The following CEP192 variants were observed in gnomAD, a reference collection of about 807,000 sequenced individuals.
CEP192 encodes centrosomal protein 192.
In CEP192, 151 loss-of-function variants were observed where a neutral mutation model predicts 271.8. The observed-to-expected ratio is 0.56, with a 90% CI of 0.49 to 0.64. CEP192 has a LOEUF of 0.64. CEP192 is among the 30% of genes least tolerant of loss of function. The pLI is 0.00. For synonymous variants in CEP192, 995 were observed against 1,076.5 expected, an observed-to-expected ratio of 0.92 and a Z score of 1.48; for missense variants, 2,910 against 3,020.5, an observed-to-expected ratio of 0.96 and a Z score of 0.86.
chr18:13,090,798 G>A (rs1325676974), intron 33 of CEP192, among the ~76,000 whole-genome samples: 3 of 152,132 alleles, frequency 2.0e-5, no homozygotes, highest in African/African-American at 4.8e-5. Context: ...ATCCAAATAC[G>A]AGATAAGCTG....
At chr18:13,054,958 T>C (rs1394466923) in intron 18 of CEP192, among the ~76,000 whole-genome samples, 2 of 152,046 alleles carry the variant, frequency 1.3e-5, no homozygotes, top group Non-Finnish European at 2.9e-5. Context: ...AGTTTAGAAA[T>C]GGGAGAGGGC....
chr18:13,025,981 G>T (rs1396664361), intron 9 of CEP192, among the ~76,000 whole-genome samples: 2 of 152,142 alleles, frequency 1.3e-5, no homozygotes, highest in Non-Finnish European at 2.9e-5. Flanking sequence ...GTAGATTTAA[G>T]ATTCTGACCT....
intron 6 of CEP192, 31 bp from the exon 7 acceptor site, chr18:13,017,157 A>G (rs965037642): frequency 3.0e-5 from 46 of 1,515,070 alleles, no homozygotes; most frequent in Non-Finnish European, 4.1e-5. Context: ...ACTTTAAAGC[A>G]TGTCCTGTTT....
chr18:13,026,961 C>G (rs2035336928), intron 9 of CEP192, among the ~76,000 whole-genome samples: 1 of 152,032 alleles, frequency 6.6e-6, no homozygotes. Flanking sequence ...TTCTTGTTAG[C>G]TGGACGTGAT....
chr18:13,044,946 G>A (rs1020660530), intron 15 of CEP192, among the ~76,000 whole-genome samples: 2 of 152,048 alleles, frequency 1.3e-5, no homozygotes, highest in African/African-American at 4.8e-5. Context: ...TTTAATAGTT[G>A]TAGTACTATT....
At chr18:13,072,917 T>C in intron 29 of CEP192, 72 bp downstream of exon 29, 6 of 1,536,016 alleles carry the variant, frequency 3.9e-6, no homozygotes, top group East Asian at 2.3e-5. Context: ...CAGACCTTTT[T>C]GTGTTATTTA....
chr18:13,009,285 A>G (rs2034187590), intron 4 of CEP192, among the ~76,000 whole-genome samples: 1 of 152,166 alleles, frequency 6.6e-6, no homozygotes, highest in South Asian at 2.1e-4. Context: ...GACTCATTTA[A>G]GCTGAAATTC....
Position 13,018,491 on chromosome 18 carries a change from C to A in CEP192, c.801C>A (p.Asn267Lys). The A allele has an allele frequency of 1.3e-6, 2 of 1,525,148 alleles. No homozygotes were observed. The highest frequency in any genetic ancestry group is 1.2e-5 in the South Asian group (1 of 80,172). 94.5% of individuals were successfully genotyped at this position (1,525,148 alleles called of 1,614,324 possible). A position where few individuals can be genotyped will look rare whatever the true frequency, so the allele number is the denominator to read the frequency against. ...TATTCTTTCAACAGGCAAATGAAAA[C>A]GGTAGCTTAAACTGCAAGTTTCAAT... is the stretch of plus-strand genomic sequence containing the variant. ...PTNGLRQANE[N>K]GSLNCKFQSE... The change falls in exon 8 of 45, where the codon AAC becomes AAA. Residue 267 changes from asparagine to lysine, a missense_variant. Physicochemically the swap from Asn to Lys is moderately conservative, Grantham distance 94. Coordinates refer to ENST00000506447, the MANE Select transcript of CEP192 (RefSeq NM_032142.4).
At chr18:13,043,645 C>G (rs1402340628) in intron 15 of CEP192, among the ~76,000 whole-genome samples, 1 of 152,186 alleles carries the variant, frequency 6.6e-6, no homozygotes, top group Non-Finnish European at 1.5e-5. Flanking sequence ...TACACACCAA[C>G]CACTAACCAC....
chr18:13,120,973 A>T (rs1326428052), intron 44 of CEP192, among the ~76,000 whole-genome samples: 1 of 152,208 alleles, frequency 6.6e-6, no homozygotes, highest in Non-Finnish European at 1.5e-5. Flanking sequence ...ACCTGTGTTG[A>T]CCTTGGAGAA....
At chr18:13,117,720 T>C in intron 44 of CEP192, 77 bp downstream of exon 44, 1 of 1,041,694 alleles carries the variant, frequency 9.6e-7, no homozygotes, top group South Asian at 1.3e-5. Flanking sequence ...GCTTGTGAGG[T>C]CTCCTCTGCT....
At chr18:13,087,340 A>G (rs1015396958) in intron 31 of CEP192, 63 bp downstream of exon 31, 19 of 1,391,706 alleles carry the variant, frequency 1.4e-5, no homozygotes, top group African/African-American at 1.2e-4. Flanking sequence ...ATAATTATGT[A>G]TTTTAAAGCC....
At position 13,100,194 on chromosome 18, in the gene CEP192, ATGTTT is replaced by A. The variant is rs3831419; in HGVS notation, c.6664-105_6664-101del. ...TAAACTTTAATTCCTAAATTTATTG[ATGTTT>A]TGTTTGTTTGGCATTTCTTTTCTCT... On this transcript the variant is annotated intron_variant, in intron 37 of 44. Coordinates refer to ENST00000506447, the MANE Select transcript of CEP192 (RefSeq NM_032142.4). 5.9e-5 allele frequency: 41 copies of A among 699,750 alleles called. No individual in the cohort carries two copies. The East Asian group carries it at 1.1e-3, about 19-fold the overall frequency. The allele number at this position is 699,750 out of a possible 1,614,324, so 43.3% of individuals were successfully genotyped here. A position where few individuals can be genotyped will look rare whatever the true frequency, so the allele number is the denominator to read the frequency against.
chr18:13,005,046 A>T (rs1028161146), intron 3 of CEP192, among the ~76,000 whole-genome samples: 1 of 152,030 alleles, frequency 6.6e-6, no homozygotes, highest in East Asian at 1.9e-4. Flanking sequence ...CAAGAGGGGT[A>T]GTAGGTGATT....
At chr18:13,030,654 G>T (rs749220125) in intron 11 of CEP192, 46 bp downstream of exon 11, 3 of 1,464,870 alleles carry the variant, frequency 2.0e-6, no homozygotes, top group East Asian at 4.6e-5. Context: ...CACTGTTTCT[G>T]ATCTTTCTAA....
At chr18:13,123,412 T>TATC (rs1346169738) in intron 44 of CEP192, among the ~76,000 whole-genome samples, 20 of 152,224 alleles carry the variant, frequency 1.3e-4, no homozygotes, top group Admixed American at 1.1e-3. Flanking sequence ...TTATCAGTTA[T>TATC]ATCCAGGAAA....
At chr18:13,025,731 C>T (rs900119091) in intron 9 of CEP192, among the ~76,000 whole-genome samples, 2 of 152,088 alleles carry the variant, frequency 1.3e-5, no homozygotes, top group African/African-American at 2.4e-5. Context: ...TTCTTCCCTC[C>T]CATTCCTTGT....
intron 3 of CEP192, among the ~76,000 whole-genome samples, chr18:13,005,620 G>C (rs1224424407): frequency 6.6e-6 from 1 of 152,160 alleles, no homozygotes; most frequent in Admixed American, 6.5e-5. Context: ...AGTGCCTGGG[G>C]AGAGGTAAGT....
chr18:13,115,203 C>T (rs2040372830), intron 42 of CEP192, among the ~76,000 whole-genome samples: 1 of 152,196 alleles, frequency 6.6e-6, no homozygotes, highest in Non-Finnish European at 1.5e-5. Flanking sequence ...CTCTGAGCCC[C>T]GCGCCTCCAC....
Sources: gnomAD v4.1 joint callset for allele counts (sites outside exome capture counted in the v4.1 genomes callset) on GRCh38, gnomAD v4.1.1 for gene constraint, MANE v1.5 for transcripts, NCBI Gene and HGNC (gene_info 2026-07-23, HGNC 2026-07-21) for gene names.